DPY19L3: variants seen among roughly 807,000 people sequenced by gnomAD.
The protein encoded by DPY19L3 is dpy-19 like C-mannosyltransferase 3, also known as protein C-mannosyl-transferase DPY19L3.
In DPY19L3, 51 loss-of-function variants were observed where a neutral mutation model predicts 92.3. The ratio of observed to expected loss-of-function variants is 0.55; its 90% CI spans 0.44 to 0.70. DPY19L3 has a LOEUF of 0.70. DPY19L3 is among the 30% of genes least tolerant of loss of function. The pLI, the probability that DPY19L3 is intolerant of heterozygous loss-of-function variation, is 0.00. For synonymous variants in DPY19L3, 309 were observed against 315.2 expected (o/e 0.98, Z 0.21); for missense variants, 706 against 855.9 (o/e 0.82, Z 2.18).
At chr19:32,464,561 G>A (rs1970143663) in intron 14 of DPY19L3, among the ~76,000 whole-genome samples, 167 bp from the exon 15 acceptor site, 1 of 152,114 alleles carries the variant, frequency 6.6e-6, no homozygotes, top group African/African-American at 2.4e-5. Context: ...AAAAAGCCGG[G>A]CACAGTGGCT....
At chr19:32,450,195 T>C (rs1035307216) in intron 8 of DPY19L3, among the ~76,000 whole-genome samples, 3 of 152,178 alleles carry the variant, frequency 2.0e-5, no homozygotes, top group African/African-American at 7.2e-5. Context: ...GATACCACTT[T>C]ACACCCACTT....
At chr19:32,409,641 C>G (rs1599579290) in intron 2 of DPY19L3, among the ~76,000 whole-genome samples, 1 of 152,188 alleles carries the variant, frequency 6.6e-6, no homozygotes, top group Non-Finnish European at 1.5e-5. Flanking sequence ...CAGCATCTGC[C>G]TCTAGTGAGA....
intron 3 of DPY19L3, among the ~76,000 whole-genome samples, chr19:32,429,771 G>C (rs1197700290): frequency 6.7e-6 from 1 of 148,750 alleles, no homozygotes; most frequent in Admixed American, 6.7e-5. Flanking sequence ...GAAAAATAAT[G>C]TAATTAATGT....
At chr19:32,424,787 AAAAG>A (rs1401298996) in intron 3 of DPY19L3, among the ~76,000 whole-genome samples, 54 of 152,370 alleles carry the variant, frequency 3.5e-4, no homozygotes, top group African/African-American at 1.3e-3. Context: ...ACAGTTTTGA[AAAAG>A]AAGAACAAAG....
At chr19:32,476,595 G>A (rs1970519568) in intron 16 of DPY19L3, among the ~76,000 whole-genome samples, 1 of 150,900 alleles carries the variant, frequency 6.6e-6, no homozygotes, top group Non-Finnish European at 1.5e-5. Context: ...TTTCCAGGGA[G>A]GAAAAAGGAA....
rs934234671 is a variant in DPY19L3 at position 32,483,617 on chromosome 19, C to T, written c.*1377C>T. On this transcript the variant is annotated 3_prime_UTR_variant, in exon 19 of 19. Transcript: ENST00000392250. Reference sequence around the variant, plus strand: ...CAAATGATTTTATATTCAGTTGCTACTTATAAAGCAGCATTCAAAAAGTCT... The same window carrying T: ...CAAATGATTTTATATTCAGTTGCTATTTATAAAGCAGCATTCAAAAAGTCT... 1.4e-4 allele frequency: 22 copies of T among 152,332 alleles called. No individual in the cohort carries two copies. The highest frequency in any genetic ancestry group is 4.8e-4 in the African/African-American group (20 of 41,434). 9.4% of individuals were successfully genotyped at this position (152,332 alleles called of 1,614,324 possible).
intron 4 of DPY19L3, among the ~76,000 whole-genome samples, chr19:32,433,175 C>T (rs1969025477): frequency 6.6e-6 from 1 of 152,056 alleles, no homozygotes; most frequent in Non-Finnish European, 1.5e-5. Flanking sequence ...GCCTCTTGTC[C>T]CCAGTGCTCC....
intron 3 of DPY19L3, among the ~76,000 whole-genome samples, chr19:32,425,877 C>A (rs1302298935): frequency 6.6e-6 from 1 of 152,158 alleles, no homozygotes; most frequent in Non-Finnish European, 1.5e-5. Flanking sequence ...TTGGCTTCAA[C>A]TTAAAGCCAC....
chr19:32,478,210 A>G (rs567395466), intron 17 of DPY19L3, among the ~76,000 whole-genome samples: 1 of 152,142 alleles, frequency 6.6e-6, no homozygotes, highest in African/African-American at 2.4e-5. Context: ...AGGACGTGCC[A>G]TTAGACCACA....
Position 32,439,800 on chromosome 19 carries a change from A to G in DPY19L3, c.745A>G (p.Ile249Val), listed in dbSNP as rs1432290488. The change falls in exon 8 of 19, where the codon ATA (isoleucine) becomes GTA (valine). Residue 249 changes from isoleucine to valine, a missense_variant. Coordinates refer to ENST00000392250, the MANE Select transcript of DPY19L3 (RefSeq NM_001172774.2). ...GAGGCTGACACTTCTTGCCATTTTC[A>G]TATCAACTTTTCTCTTTAGTCTGAC... ...SERLTLLAIF[I>V]STFLFSLTWQ... 3 of 1,613,678 alleles carry G rather than the reference A, an allele frequency of 1.9e-6. No homozygotes were observed. The highest frequency in any genetic ancestry group is 2.2e-5 in the East Asian group (1 of 44,860).
intron 3 of DPY19L3, among the ~76,000 whole-genome samples, chr19:32,422,943 CA>C: frequency 6.6e-6 from 1 of 152,228 alleles, no homozygotes; most frequent in East Asian, 1.9e-4. Flanking sequence ...AGAAAATGCT[CA>C]AGTAAAAGAA....
chr19:32,431,597 A>G (rs900200553), intron 3 of DPY19L3, among the ~76,000 whole-genome samples: 2 of 152,196 alleles, frequency 1.3e-5, no homozygotes, highest in South Asian at 2.1e-4. Context: ...GATTATTTGC[A>G]TATATATAAT....
At chr19:32,415,589 A>AT (rs1968352682) in intron 3 of DPY19L3, among the ~76,000 whole-genome samples, 1 of 152,206 alleles carries the variant, frequency 6.6e-6, no homozygotes, top group Non-Finnish European at 1.5e-5. Context: ...CAGCGATGTC[A>AT]TCGTATTGGC....
At chr19:32,414,014 A>G (rs553562248) in intron 3 of DPY19L3, among the ~76,000 whole-genome samples, 10 of 152,154 alleles carry the variant, frequency 6.6e-5, no homozygotes, top group African/African-American at 2.4e-4. Context: ...GTGAGCCGCT[A>G]TGCCCACCTA....
chr19:32,467,222 G>A (rs547198446), intron 15 of DPY19L3, among the ~76,000 whole-genome samples: 1 of 152,268 alleles, frequency 6.6e-6, no homozygotes, highest in African/African-American at 2.4e-5. Flanking sequence ...ATTGTTAAAG[G>A]AGTTTGCCGC....
chr19:32,458,695 T>C (rs112958793), intron 12 of DPY19L3, among the ~76,000 whole-genome samples, 186 bp downstream of exon 12: 26 of 152,288 alleles, frequency 1.7e-4, no homozygotes, highest in African/African-American at 6.3e-4. Context: ...AATGATCAGA[T>C]TGCATGCGGT....
At position 32,439,723 on chromosome 19, in the gene DPY19L3, A is replaced by G; in HGVS notation, c.721-53A>G. ...CTGCTCTTGAGAAAACTTGTCTGCA[A>G]GGTTTTTTATTACTAGAGACATGTA... On this transcript the variant is annotated intron_variant, in intron 7 of 18. Transcript: ENST00000392250. 2.5e-6 allele frequency: 4 copies of G among 1,578,934 alleles called. No individual in the cohort carries two copies. The South Asian group carries it at 4.6e-5, about 18-fold the overall frequency.
At chr19:32,418,469 AGTACACTCG>A (rs1394952989) in intron 3 of DPY19L3, among the ~76,000 whole-genome samples, 1 of 152,242 alleles carries the variant, frequency 6.6e-6, no homozygotes, top group Admixed American at 6.5e-5. Context: ...GAAATGGGGT[AGTACACTCG>A]GGAACTAAAT....
chr19:32,410,593 G>A (rs1024883658), intron 2 of DPY19L3, among the ~76,000 whole-genome samples: 9 of 152,082 alleles, frequency 5.9e-5, no homozygotes, highest in Non-Finnish European at 1.0e-4. Context: ...GACCAGCCTG[G>A]CCAACATGGT....
Sources: allele counts gnomAD v4.1 joint callset (sites outside exome capture counted in the v4.1 genomes callset), GRCh38; gene constraint gnomAD v4.1.1; transcripts MANE v1.5; gene names NCBI Gene and HGNC (gene_info 2026-07-23, HGNC 2026-07-21).